Variants in CKLF observed in about 807,000 individuals in gnomAD.
The protein encoded by CKLF is chemokine-like factor.
CKLF carries 16 observed loss-of-function variants against 12.9 expected under a neutral mutation model. That is an observed-to-expected ratio of 1.24 (90% CI 0.84 to 1.88). The LOEUF is 1.88. CKLF is among the 40% of genes most tolerant of loss of function. The probability of loss-of-function intolerance (pLI) is 0.00; values close to 1 mark genes in which losing one functional copy is unlikely to be tolerated. For synonymous variants in CKLF, 61 were observed against 69.0 expected, an observed-to-expected ratio of 0.88 and a Z score of 0.57; for missense variants, 172 against 188.5, an observed-to-expected ratio of 0.91 and a Z score of 0.51.
At chr16:66,557,052 G>T (rs1455876189) in intron 1 of CKLF, among the ~76,000 whole-genome samples, 1 of 151,164 alleles carries the variant, frequency 6.6e-6, no homozygotes, top group African/African-American at 2.4e-5. Context: ...AGTTTTTTAT[G>T]TTTTTTTTTC....
intron 2 of CKLF, among the ~76,000 whole-genome samples, chr16:66,561,187 G>A (rs1199815505): frequency 6.6e-6 from 1 of 151,936 alleles, no homozygotes; most frequent in Non-Finnish European, 1.5e-5. Context: ...GAGAGGGCTT[G>A]GTCATCTCCA....
intron 1 of CKLF, among the ~76,000 whole-genome samples, chr16:66,555,133 A>G (rs1459039021): frequency 6.6e-6 from 1 of 152,146 alleles, no homozygotes; most frequent in Non-Finnish European, 1.5e-5. Context: ...GCTACTCGGG[A>G]GGCTGAGGCA....
At chr16:66,556,547 C>G (rs2011459453) in intron 1 of CKLF, among the ~76,000 whole-genome samples, 1 of 152,138 alleles carries the variant, frequency 6.6e-6, no homozygotes, top group Non-Finnish European at 1.5e-5. Flanking sequence ...GGAGTAATCA[C>G]CAGTGCAAAT....
intron 3 of CKLF, among the ~76,000 whole-genome samples, chr16:66,563,938 A>C (rs1051999122): frequency 6.6e-6 from 1 of 152,244 alleles, no homozygotes; most frequent in Non-Finnish European, 1.5e-5. Context: ...TCCTACTTCC[A>C]TGTTCTTTCA....
intron 2 of CKLF, among the ~76,000 whole-genome samples, chr16:66,560,472 G>A (rs2011632546): frequency 6.6e-6 from 1 of 152,114 alleles, no homozygotes; most frequent in Non-Finnish European, 1.5e-5. Context: ...AGAGCAGTAT[G>A]TAATGAGTTT....
chr16:66,564,998 A>G (rs2012103529), intron 3 of CKLF, among the ~76,000 whole-genome samples: 1 of 152,134 alleles, frequency 6.6e-6, no homozygotes, highest in South Asian at 2.1e-4. Flanking sequence ...CCTCTCTGGC[A>G]GTGGAATTGC....
intron 1 of CKLF, among the ~76,000 whole-genome samples, chr16:66,556,295 A>G (rs927944233): frequency 2.6e-5 from 4 of 152,236 alleles, no homozygotes. Flanking sequence ...TGTTCATTGT[A>G]AAACAGCAGC....
At chr16:66,558,638 A>G in intron 2 of CKLF, 1 of 257,336 alleles carries the variant, frequency 3.9e-6, no homozygotes, top group Non-Finnish European at 7.3e-6. Context: ...ATTTAGGACC[A>G]TGTTAACAAA....
intron 1 of CKLF, among the ~76,000 whole-genome samples, chr16:66,556,020 G>A (rs768772877): frequency 4.6e-4 from 70 of 152,322 alleles, no homozygotes; most frequent in Admixed American, 1.6e-3. Flanking sequence ...ATTCCTGTAG[G>A]TTATCCAGAT....
intron 2 of CKLF, among the ~76,000 whole-genome samples, chr16:66,562,260 T>C (rs2011784671): frequency 6.6e-6 from 1 of 152,176 alleles, no homozygotes; most frequent in Non-Finnish European, 1.5e-5. Context: ...AATTTTTGTA[T>C]TTTTTAATAA....
rs14835 is a variant in CKLF at position 66,565,943 on chromosome 16, A to C, written c.391A>C (p.Lys131Gln). The change falls in exon 4 of 4, where the codon AAG becomes CAG. Residue 131 changes from lysine (K) to glutamine (Q), a missense_variant. Physicochemically the swap from Lys to Gln is moderately conservative, Grantham distance 53. Coordinates refer to ENST00000264001, the MANE Select transcript of CKLF (RefSeq NM_016951.4). ...TGCCGACGGGGCCCTTATTTACCGG[A>C]AGCTTCTGTTCAATCCCAGCGGTCC... is the stretch of plus-strand genomic sequence containing the variant. ...CLADGALIYR[K>Q]LLFNPSGPYQ... The C allele has an allele frequency of 6.2e-7, 1 of 1,614,086 alleles. No homozygotes were observed. Among genetic ancestry groups the C allele is most frequent in the South Asian group, 1.1e-5 (1 of 91,088 alleles).
chr16:66,552,626 G>C lies in CKLF; in HGVS notation c.-90G>C. On this transcript the variant is annotated 5_prime_UTR_variant, in exon 1 of 4. Coordinates refer to ENST00000264001, the MANE Select transcript of CKLF (RefSeq NM_016951.4). ...GTAGGGGAGGGCGGTGCTCCGCCGC[G>C]GTGGCGGTTGCTATCGCTTCGCAGA... The C allele has an allele frequency of 6.3e-7, 1 of 1,595,934 alleles. No individual in the cohort carries two copies. Among genetic ancestry groups the C allele is most frequent in the East Asian group, 2.2e-5 (1 of 44,680 alleles).
intron 2 of CKLF, 133 bp from the exon 3 acceptor site, chr16:66,562,989 T>C: frequency 1.1e-6 from 1 of 945,024 alleles, no homozygotes; most frequent in Non-Finnish European, 1.6e-6. Context: ...GTGCTGGGAT[T>C]ACAGGCGGGA....
downstream of CKLF, chr16:66,566,278 G>A (rs2012304968): frequency 4.1e-6 from 6 of 1,447,566 alleles, no homozygotes; most frequent in South Asian, 2.9e-5. This position sits in a 1 kb window ranked among gnomAD's most constrained non-coding sequence, Gnocchi z 4.9. Flanking sequence ...CTGGCTGGCC[G>A]GCAGCTCCGA....
chr16:66,559,654 G>A (rs1020188768), intron 2 of CKLF, among the ~76,000 whole-genome samples: 2 of 152,068 alleles, frequency 1.3e-5, no homozygotes, highest in South Asian at 4.2e-4. Context: ...ATTCCTTGGA[G>A]TTTCTTACAT....
intron 1 of CKLF, among the ~76,000 whole-genome samples, chr16:66,553,918 T>C (rs2011299382): frequency 6.6e-6 from 1 of 152,188 alleles, no homozygotes; most frequent in Admixed American, 6.5e-5. Context: ...TCATATCATG[T>C]AAGTTGAGAT....
At chr16:66,563,349 G>T in intron 3 of CKLF, 132 bp downstream of exon 3, 1 of 1,054,114 alleles carries the variant, frequency 9.5e-7, no homozygotes, top group Non-Finnish European at 1.4e-6. Flanking sequence ...ACAATGCCTA[G>T]TGGCTTAATA....
At chr16:66,562,079 T>A (rs1032542397) in intron 2 of CKLF, among the ~76,000 whole-genome samples, 1 of 145,676 alleles carries the variant, frequency 6.9e-6, no homozygotes, top group Non-Finnish European at 1.5e-5. Flanking sequence ...TATTTTAAGT[T>A]TTATTAATTG....
At chr16:66,564,769 C>T (rs546831438) in intron 3 of CKLF, among the ~76,000 whole-genome samples, 13 of 152,158 alleles carry the variant, frequency 8.5e-5, no homozygotes, top group South Asian at 2.1e-4. Flanking sequence ...CGCGCCCGGC[C>T]GACTTTTTTC....
Sources: allele counts gnomAD v4.1 joint callset (sites outside exome capture counted in the v4.1 genomes callset), GRCh38; gene constraint gnomAD v4.1.1; non-coding constraint Gnocchi (gnomAD v3.1); transcripts MANE v1.5; gene names NCBI Gene and HGNC (gene_info 2026-07-23, HGNC 2026-07-21).